OSBPL9: variants seen among roughly 807,000 people sequenced by gnomAD.
OSBPL9 encodes oxysterol binding protein like 9, also known as oxysterol-binding protein-related protein 9.
Under a neutral mutation model 106.6 loss-of-function variants are expected in OSBPL9, and 40 were observed. That is an observed-to-expected ratio of 0.38 (90% CI 0.29 to 0.49). The LOEUF (loss-of-function observed/expected upper bound fraction) is 0.49. Among genes scored for constraint, OSBPL9 ranks in the 20% least tolerant of loss-of-function variants. The probability of loss-of-function intolerance (pLI) is 0.97; values close to 1 mark genes in which losing one functional copy is unlikely to be tolerated. For missense variants in OSBPL9, 609 were observed against 887.2 expected, an observed-to-expected ratio of 0.69 and a Z score of 3.98; for synonymous variants, 269 against 295.4, an observed-to-expected ratio of 0.91 and a Z score of 0.92.
rs142747145 is a variant in OSBPL9, at chr1:51,723,054, C to T, written c.318+8975C>T. Among the ~76,000 whole-genome samples the T allele has an allele frequency of 2.4e-3, 358 of 152,334 alleles. 1 individual carries two copies. Among genetic ancestry groups the T allele is most frequent in the African/African-American group, 8.3e-3 (343 of 41,572 alleles). On this transcript the variant is annotated intron_variant, in intron 4 of 23. Coordinates refer to ENST00000428468, the MANE Select transcript of OSBPL9 (RefSeq NM_024586.6). ...ATTGAGCAGAATGTACAGAGATTTT[C>T]CCTATACCCGCTTCCCCTACGCATG...
At chr1:51,656,213 G>A (rs554846946) in intron 2 of OSBPL9, among the ~76,000 whole-genome samples, 3 of 152,136 alleles carry the variant, frequency 2.0e-5, no homozygotes, top group African/African-American at 7.2e-5. Flanking sequence ...TGAGGATACC[G>A]TGATATAACT....
chr1:51,598,313 TAAA>T (rs1645312519), intron 2 of OSBPL9: 1 of 152,174 alleles, frequency 6.6e-6, no homozygotes, highest in South Asian at 2.1e-4. Flanking sequence ...CAGAGGGAGA[TAAA>T]GAGAAAAGGG....
intron 13 of OSBPL9, 47 bp from the exon 14 acceptor site, chr1:51,772,558 G>A: frequency 7.2e-7 from 1 of 1,397,214 alleles, no homozygotes. Context: ...TATCAGGACA[G>A]ATTGGCCCAA....
At chr1:51,758,360 G>A (rs374827251) in intron 9 of OSBPL9, among the ~76,000 whole-genome samples, 3 of 151,378 alleles carry the variant, frequency 2.0e-5, no homozygotes, top group African/African-American at 7.3e-5. Flanking sequence ...TTTCTTTTAA[G>A]GGTTAAAACA....
intron 15 of OSBPL9, among the ~76,000 whole-genome samples, chr1:51,777,483 G>T (rs1210478406): frequency 6.6e-6 from 1 of 152,112 alleles, no homozygotes; most frequent in Non-Finnish European, 1.5e-5. Context: ...ATTGCCTTTC[G>T]CTGGTAGCAG....
At chr1:51,738,747 C>T (rs1666251671) in intron 4 of OSBPL9, among the ~76,000 whole-genome samples, 1 of 151,942 alleles carries the variant, frequency 6.6e-6, no homozygotes, top group African/African-American at 2.4e-5. Flanking sequence ...ATAGCCTTTA[C>T]TTGATTGTAG....
chr1:51,568,560 T>C, the OSBPL9 span, among the ~76,000 whole-genome samples: 1 of 152,206 alleles, frequency 6.6e-6, no homozygotes, highest in African/African-American at 2.4e-5. Flanking sequence ...TCTTTTCTTT[T>C]TTTTGAGACG....
the OSBPL9 span, among the ~76,000 whole-genome samples, chr1:51,531,559 A>G: frequency 6.6e-6 from 1 of 152,184 alleles, no homozygotes; most frequent in African/African-American, 2.4e-5. Context: ...GAGCAACTGG[A>G]TTGATGAAAT....
chr1:51,557,136 A>G, the OSBPL9 span, among the ~76,000 whole-genome samples: 3 of 151,778 alleles, frequency 2.0e-5, no homozygotes, highest in Non-Finnish European at 2.9e-5. Context: ...AAAACAAAAA[A>G]CCCTGCCTTA....
intron 3 of OSBPL9, chr1:51,707,094 C>G (rs1490442495): frequency 3.6e-6 from 1 of 278,228 alleles, no homozygotes; most frequent in South Asian, 3.2e-5. Flanking sequence ...CTCTCTTGTC[C>G]TTTAGTTAGT....
At chr1:51,758,847 A>C (rs1270727819) in intron 9 of OSBPL9, among the ~76,000 whole-genome samples, 1 of 152,144 alleles carries the variant, frequency 6.6e-6, no homozygotes, top group Non-Finnish European at 1.5e-5. Flanking sequence ...GTAAACAAGG[A>C]ATTTATTTTA....
In OSBPL9 at chr1:51,735,208, C is replaced by T. The variant is rs146188124; in HGVS notation, c.319-10328C>T. 2.0e-5 allele frequency among the ~76,000 whole-genome samples: 3 copies of T among 152,312 alleles called. No individual in the cohort carries two copies. In the East Asian group the frequency reaches 5.8e-4, roughly 29 times the overall value. The stretch of plus-strand genomic sequence containing the variant: ...GCTCCTTCCATGCTTTGAGGCAATT[C>T]TGGCAGTGACTGTTTTACAGCCGTC... On this transcript the variant is annotated intron_variant, in intron 4 of 23. Transcript: ENST00000428468.
chr1:51,613,682 G>C (rs563587371), upstream of OSBPL9, among the ~76,000 whole-genome samples: 16 of 151,846 alleles, frequency 1.1e-4, no homozygotes, highest in South Asian at 3.3e-3. Context: ...TCATGTCCTG[G>C]TTAGCTCCTG....
At chr1:51,549,498 G>C in the OSBPL9 span, among the ~76,000 whole-genome samples, 1 of 152,220 alleles carries the variant, frequency 6.6e-6, no homozygotes, top group Non-Finnish European at 1.5e-5. Context: ...AGCCATGTCT[G>C]TGGGTCTGAC....
chr1:51,533,330 C>CA, the OSBPL9 span, among the ~76,000 whole-genome samples: 2 of 151,036 alleles, frequency 1.3e-5, no homozygotes, highest in Non-Finnish European at 3.0e-5. Context: ...AAAAAAAATA[C>CA]AAAAAATTAG....
At chr1:51,675,099 T>C (rs1442039951) in intron 3 of OSBPL9, among the ~76,000 whole-genome samples, 1 of 152,198 alleles carries the variant, frequency 6.6e-6, no homozygotes, top group African/African-American at 2.4e-5. Flanking sequence ...TCTAGGTTCA[T>C]GTACTGATGT....
At chr1:51,691,272 A>AT (rs1358388118) in intron 3 of OSBPL9, among the ~76,000 whole-genome samples, 1 of 145,544 alleles carries the variant, frequency 6.9e-6, no homozygotes. Context: ...GCTTGCTGTA[A>AT]CTTTTTTTTT....
At chr1:51,663,293 CAAGT>C (rs1647547330) in intron 2 of OSBPL9, among the ~76,000 whole-genome samples, 1 of 75,128 alleles carries the variant, frequency 1.3e-5, no homozygotes, top group African/African-American at 4.4e-5. Context: ...ATTATGCTGG[CAAGT>C]GTGTGTGTGT....
intron 2 of OSBPL9, among the ~76,000 whole-genome samples, chr1:51,653,510 T>C (rs941674449): frequency 2.6e-5 from 4 of 152,206 alleles, no homozygotes; most frequent in African/African-American, 9.6e-5. Flanking sequence ...CCTTAAGAAA[T>C]AGAATTTTGT....
Sources: allele counts gnomAD v4.1 joint callset (sites outside exome capture counted in the v4.1 genomes callset), GRCh38; gene constraint gnomAD v4.1.1; transcripts MANE v1.5; gene names NCBI Gene and HGNC (gene_info 2026-07-23, HGNC 2026-07-21).